The following ARHGAP44 variants were observed in gnomAD, a reference collection of about 807,000 sequenced individuals.
ARHGAP44 encodes rho GTPase-activating protein 44.
Under a neutral mutation model 106.8 loss-of-function variants are expected in ARHGAP44, and 43 were observed. That is an observed-to-expected ratio of 0.40 (90% CI 0.32 to 0.52). The LOEUF (loss-of-function observed/expected upper bound fraction) is 0.52, where lower values mean the gene tolerates loss of function less well. ARHGAP44 is among the 20% of genes least tolerant of loss of function. The pLI is 0.48. For missense variants in ARHGAP44, 866 were observed against 1,050.5 expected (o/e 0.82, Z 2.43); for synonymous variants, 439 against 410.3 (o/e 1.07, Z -0.85).
At chr17:12,833,799 G>A (rs1360986508) in intron 1 of ARHGAP44, among the ~76,000 whole-genome samples, 1 of 152,174 alleles carries the variant, frequency 6.6e-6, no homozygotes, top group Non-Finnish European at 1.5e-5. Context: ...CACGCCATAG[G>A]TGGATTCAGA....
At position 12,895,129 on chromosome 17, in the gene ARHGAP44, CAAAACAAACAA is replaced by C. The variant is rs962284537; in HGVS notation, c.93+163_93+173del. 19 of 670,510 alleles carry C rather than the reference CAAAACAAACAA, an allele frequency of 2.8e-5. 1 individual carries two copies. Among genetic ancestry groups the C allele is most frequent in the African/African-American group, 1.9e-4 (10 of 53,476 alleles). 41.5% of individuals were successfully genotyped at this position (670,510 alleles called of 1,614,324 possible). ...CTGGCGATACAGCGAGACTCTGTCT[CAAAACAAACAA>C]AAAACAAACAAATAAAAAAACAAAC... On this transcript the variant is annotated intron_variant, in intron 2 of 20. Coordinates refer to ENST00000379672, the MANE Select transcript of ARHGAP44 (RefSeq NM_014859.6).
intron 6 of ARHGAP44, among the ~76,000 whole-genome samples, chr17:12,923,740 A>G (rs1018533582): frequency 1.4e-4 from 21 of 152,210 alleles, no homozygotes; most frequent in African/African-American, 4.8e-4. Flanking sequence ...GCCTGAGTCT[A>G]CCTGTCTTGT....
chr17:12,928,297 G>T (rs1038216185), intron 6 of ARHGAP44, among the ~76,000 whole-genome samples: 2 of 152,226 alleles, frequency 1.3e-5, no homozygotes, highest in African/African-American at 4.8e-5. Context: ...AGCCAAGAAG[G>T]TGAGGATTTC....
intron 6 of ARHGAP44, 53 bp from the exon 7 acceptor site, chr17:12,928,876 G>C: frequency 6.8e-7 from 1 of 1,480,504 alleles, no homozygotes; most frequent in Non-Finnish European, 9.3e-7. Context: ...GCTCCCATGG[G>C]ATCCCCAGGG....
At chr17:12,920,609 G>T (rs961545798) in intron 6 of ARHGAP44, among the ~76,000 whole-genome samples, 12 of 152,134 alleles carry the variant, frequency 7.9e-5, no homozygotes, top group African/African-American at 2.9e-4. Context: ...GGTCGGCATG[G>T]CTGGGGCGGA....
intron 4 of ARHGAP44, among the ~76,000 whole-genome samples, chr17:12,911,970 A>C (rs181439878): frequency 1.3e-5 from 2 of 152,248 alleles, no homozygotes; most frequent in Non-Finnish European, 2.9e-5. Context: ...AAGTGACGCA[A>C]CCACGTCTTT....
At chr17:12,981,420 G>C (rs573073151) in intron 19 of ARHGAP44, among the ~76,000 whole-genome samples, 1 of 149,608 alleles carries the variant, frequency 6.7e-6, no homozygotes, top group Admixed American at 6.6e-5. Flanking sequence ...TTTTTGAGAC[G>C]AAGTCTTGCT....
At chr17:12,963,454 C>G (rs1027032153) in intron 16 of ARHGAP44, among the ~76,000 whole-genome samples, 1 of 152,230 alleles carries the variant, frequency 6.6e-6, no homozygotes, top group African/African-American at 2.4e-5. Context: ...TGAGCACTGT[C>G]CTGACAGCCA....
chr17:12,825,143 C>A (rs758689725), intron 1 of ARHGAP44, among the ~76,000 whole-genome samples: 1 of 151,852 alleles, frequency 6.6e-6, no homozygotes, highest in African/African-American at 2.4e-5. Context: ...CTAAAGTGAT[C>A]CTCCTACTTC....
intron 15 of ARHGAP44, among the ~76,000 whole-genome samples, chr17:12,956,985 C>G (rs774965064): frequency 1.2e-4 from 19 of 152,136 alleles, no homozygotes; most frequent in Non-Finnish European, 2.4e-4. Context: ...GAGTTTTGCT[C>G]TTGTTGCCCA....
intron 1 of ARHGAP44, among the ~76,000 whole-genome samples, chr17:12,854,787 C>T (rs973000519): frequency 6.6e-5 from 10 of 151,822 alleles, no homozygotes; most frequent in African/African-American, 2.4e-4. Context: ...GGAGAAACCT[C>T]GTCTCTACTA....
At chr17:12,918,530 T>C (rs1252008740) in intron 5 of ARHGAP44, among the ~76,000 whole-genome samples, 1 of 152,184 alleles carries the variant, frequency 6.6e-6, no homozygotes, top group East Asian at 1.9e-4. Flanking sequence ...AAAGAGCATC[T>C]ACATACAACC....
chr17:12,896,490 G>T lies in ARHGAP44; in HGVS notation c.177G>T (p.Gly59=). 1 of 1,606,652 alleles carries T rather than the reference G, an allele frequency of 6.2e-7. No individual in the cohort carries two copies. The highest frequency in any genetic ancestry group is 8.5e-7 in the Non-Finnish European group (1 of 1,176,964). ...KLTACLQGQQ[G]AEADKRSKKL... is the part of the protein sequence containing the mutation. ...CCGCATGTCTGCAGGGCCAGCAAGG[G>T]GCAGAGGCTGACAAGCGCTCCGTAA... The change falls in exon 3 of 21, where the codon GGG becomes GGT. Residue 59 remains glycine (G), a synonymous_variant. Coordinates refer to ENST00000379672, the MANE Select transcript of ARHGAP44 (RefSeq NM_014859.6).
At chr17:12,897,970 C>CTGAA (rs1303760947) in intron 3 of ARHGAP44, among the ~76,000 whole-genome samples, 1 of 152,030 alleles carries the variant, frequency 6.6e-6, no homozygotes, top group Non-Finnish European at 1.5e-5. Context: ...CTTGAGTGAT[C>CTGAA]TGAAGTATAG....
At chr17:12,875,620 G>C (rs987599041) in intron 1 of ARHGAP44, among the ~76,000 whole-genome samples, 1 of 151,622 alleles carries the variant, frequency 6.6e-6, no homozygotes, top group Non-Finnish European at 1.5e-5. Flanking sequence ...AAAAAGGGGG[G>C]GTGCATTATA....
At chr17:12,910,906 A>G (rs1459657833) in intron 4 of ARHGAP44, among the ~76,000 whole-genome samples, 1 of 152,118 alleles carries the variant, frequency 6.6e-6, no homozygotes, top group Non-Finnish European at 1.5e-5. Context: ...AATAAAATAA[A>G]TTTAGTGTCA....
Position 12,948,996 on chromosome 17 carries a change from G to C in ARHGAP44, c.862-144G>C, listed in dbSNP as rs1598103251. ...GTGCCAAGAGGGAGACATTGAGAAA[G>C]CAGGCAACTGGGGGATTGGGAGATG... On this transcript the variant is annotated intron_variant, in intron 10 of 20. Transcript: ENST00000379672. 3.7e-6 allele frequency: 3 copies of C among 801,128 alleles called. No individual in the cohort carries two copies. In the East Asian group the frequency reaches 8.1e-5, roughly 22 times the overall value. 49.6% of individuals were successfully genotyped at this position (801,128 alleles called of 1,614,324 possible).
At chr17:12,904,625 G>A (rs1009922357) in intron 3 of ARHGAP44, among the ~76,000 whole-genome samples, 3 of 152,114 alleles carry the variant, frequency 2.0e-5, no homozygotes, top group Admixed American at 2.0e-4. Context: ...AGTTCCATAG[G>A]TAGTGATAGG....
intron 1 of ARHGAP44, among the ~76,000 whole-genome samples, chr17:12,870,715 A>G (rs1023353977): frequency 5.3e-5 from 8 of 152,288 alleles, no homozygotes; most frequent in African/African-American, 1.9e-4. Flanking sequence ...TTACATACAC[A>G]TATGTTATTT....
Sources: allele counts gnomAD v4.1 joint callset (sites outside exome capture counted in the v4.1 genomes callset), GRCh38; gene constraint gnomAD v4.1.1; transcripts MANE v1.5; gene names NCBI Gene and HGNC (gene_info 2026-07-23, HGNC 2026-07-21).